SMYD3: variants seen among roughly 807,000 people sequenced by gnomAD.
The protein encoded by SMYD3 is SET and MYND domain containing 3.
A neutral mutation model predicts 57.7 loss-of-function variants in SMYD3; 36 were observed. The observed-to-expected ratio is 0.62, with a 90% CI of 0.48 to 0.82. The LOEUF (loss-of-function observed/expected upper bound fraction) is 0.82, where lower values mean the gene tolerates loss of function less well. Among genes scored for constraint, SMYD3 ranks in the 40% least tolerant of loss-of-function variants. The probability of loss-of-function intolerance (pLI) is 0.00; values close to 1 mark genes in which losing one functional copy is unlikely to be tolerated. For synonymous variants in SMYD3, 211 were observed against 195.0 expected, an observed-to-expected ratio of 1.08 and a Z score of -0.68; for missense variants, 515 against 538.8, an observed-to-expected ratio of 0.96 and a Z score of 0.44.
intron 1 of SMYD3, among the ~76,000 whole-genome samples, chr1:246,481,730 G>T (rs941594732): frequency 1.4e-5 from 2 of 147,092 alleles, no homozygotes; most frequent in Non-Finnish European, 3.0e-5. Context: ...GAACTGATAT[G>T]AGTATATATA....
chr1:246,183,181 C>G (rs1362616080), intron 5 of SMYD3, among the ~76,000 whole-genome samples: 1 of 151,998 alleles, frequency 6.6e-6, no homozygotes, highest in Admixed American at 6.6e-5. Context: ...AAAAGTATTG[C>G]GAAGTCTGTA....
chr1:246,065,702 T>C (rs1314321047), intron 5 of SMYD3, among the ~76,000 whole-genome samples: 1 of 152,214 alleles, frequency 6.6e-6, no homozygotes, highest in African/African-American at 2.4e-5. Flanking sequence ...CCAGAAATTA[T>C]TAGCACTTCA....
intron 8 of SMYD3, among the ~76,000 whole-genome samples, chr1:245,873,961 C>G (rs1053549603): frequency 7.9e-4 from 121 of 152,300 alleles, no homozygotes; most frequent in African/African-American, 2.5e-3. Flanking sequence ...TTACCACTGA[C>G]ATGGAAACTA....
intron 10 of SMYD3, among the ~76,000 whole-genome samples, chr1:245,817,316 A>G (rs1049676689): frequency 4.8e-5 from 7 of 144,498 alleles, no homozygotes; most frequent in Non-Finnish European, 9.1e-5. Flanking sequence ...GGGTATTCCA[A>G]CAGCCCTGCA....
At chr1:246,440,212 A>G (rs891751249) in intron 1 of SMYD3, among the ~76,000 whole-genome samples, 1 of 152,196 alleles carries the variant, frequency 6.6e-6, no homozygotes, top group African/African-American at 2.4e-5. Context: ...ATATATAGAT[A>G]GAGAAAATTT....
At chr1:245,972,664 G>A (rs2058330368) in intron 5 of SMYD3, among the ~76,000 whole-genome samples, 1 of 152,220 alleles carries the variant, frequency 6.6e-6, no homozygotes, top group Non-Finnish European at 1.5e-5. Flanking sequence ...CGCTCCAACT[G>A]AGTGGAAGTG....
rs182411239 is a variant in SMYD3 at position 246,466,985 on chromosome 1, T to A, written c.164+40069A>T. ...GAGTTCAAAATCAGTCTGGCCATCA[T>A]GGCAAAACCTCATCTCTACTAAAAA... On this transcript the variant is annotated intron_variant, in intron 1 of 11. Coordinates refer to ENST00000490107, the MANE Select transcript of SMYD3 (RefSeq NM_001167740.2). Among the ~76,000 whole-genome samples the A allele has an allele frequency of 6.8e-4, 104 of 152,188 alleles. 3 individuals are homozygous for A. In the East Asian group the frequency reaches 0.017, roughly 25 times the overall value.
At chr1:246,008,360 G>C (rs747919035) in intron 5 of SMYD3, among the ~76,000 whole-genome samples, 4 of 152,170 alleles carry the variant, frequency 2.6e-5, no homozygotes, top group Non-Finnish European at 4.4e-5. Flanking sequence ...CCTGTAATGC[G>C]ACGTAAATAA....
At chr1:245,828,193 T>A (rs1218188764) in intron 10 of SMYD3, among the ~76,000 whole-genome samples, 2 of 152,224 alleles carry the variant, frequency 1.3e-5, no homozygotes, top group African/African-American at 4.8e-5. Context: ...TGCTTGCTCC[T>A]TAAGACGGGC....
chr1:246,157,571 T>C (rs1314384482), intron 5 of SMYD3, among the ~76,000 whole-genome samples: 1 of 152,172 alleles, frequency 6.6e-6, no homozygotes, highest in Admixed American at 6.5e-5. Context: ...AATTCCTCTA[T>C]ATCCATTATC....
intron 1 of SMYD3, among the ~76,000 whole-genome samples, chr1:246,448,716 A>G (rs1260632006): frequency 6.7e-6 from 1 of 150,320 alleles, no homozygotes; most frequent in Non-Finnish European, 1.5e-5. Flanking sequence ...AAAAAAAAAA[A>G]AAAAAAAAAA....
intron 5 of SMYD3, among the ~76,000 whole-genome samples, chr1:246,031,503 C>T (rs990756413): frequency 9.2e-5 from 14 of 151,974 alleles, no homozygotes; most frequent in African/African-American, 2.9e-4. Context: ...TCTGGGAGGC[C>T]GAGGCAGGCA....
intron 5 of SMYD3, among the ~76,000 whole-genome samples, chr1:246,257,615 T>G (rs1172089504): frequency 6.6e-6 from 1 of 152,230 alleles, no homozygotes; most frequent in Non-Finnish European, 1.5e-5. Flanking sequence ...TTAGACCATT[T>G]ACAATCAAGG....
chr1:246,075,368 G>A (rs2060528911), intron 5 of SMYD3, among the ~76,000 whole-genome samples: 1 of 152,160 alleles, frequency 6.6e-6, no homozygotes, highest in Admixed American at 6.5e-5. Flanking sequence ...TGATATTGTT[G>A]CCTGTGAAGA....
intron 8 of SMYD3, among the ~76,000 whole-genome samples, chr1:245,878,114 C>T (rs12038841): frequency 0.6 from 91,045 of 151,898 alleles, 30,238 homozygotes; most frequent in Non-Finnish European, 0.77. Flanking sequence ...AGGGGCTCAC[C>T]GATGACATCA....
At chr1:246,435,624 C>G (rs1422226851) in intron 1 of SMYD3, among the ~76,000 whole-genome samples, 2 of 151,786 alleles carry the variant, frequency 1.3e-5, no homozygotes. Context: ...ACATCAGGAA[C>G]TCCTGAGAAT....
intron 11 of SMYD3, among the ~76,000 whole-genome samples, chr1:245,757,335 AATAAT>A (rs2045650058): frequency 6.6e-6 from 1 of 152,016 alleles, no homozygotes; most frequent in South Asian, 2.1e-4. Flanking sequence ...TTTAAGGCTG[AATAAT>A]ATTCCCTTGT....
intron 2 of SMYD3, among the ~76,000 whole-genome samples, chr1:246,338,333 G>GT: frequency 6.6e-6 from 1 of 152,278 alleles, no homozygotes; most frequent in Admixed American, 6.5e-5. Flanking sequence ...GAAGCAAAAC[G>GT]TGACAATCAT....
chr1:246,048,963 A>G (rs2060015638), intron 5 of SMYD3, among the ~76,000 whole-genome samples: 1 of 152,178 alleles, frequency 6.6e-6, no homozygotes, highest in African/African-American at 2.4e-5. Context: ...TTATTAATTA[A>G]GGAAGCGAGA....
Sources: gnomAD v4.1 joint callset for allele counts (sites outside exome capture counted in the v4.1 genomes callset) on GRCh38, gnomAD v4.1.1 for gene constraint, MANE v1.5 for transcripts, NCBI Gene and HGNC (gene_info 2026-07-23, HGNC 2026-07-21) for gene names.